Variants in GGTA1 observed in about 807,000 individuals in gnomAD.
GGTA1 encodes the protein inactive N-acetyllactosaminide alpha-1,3-galactosyltransferase.
Under a neutral mutation model 2.6 loss-of-function variants are expected in GGTA1, and 5 were observed. That is an observed-to-expected ratio of 1.92 (90% CI 1.00 to 4.04). The LOEUF is 4.04. Ranked by LOEUF, GGTA1 falls within the 30% of genes most tolerant of loss-of-function variation. GGTA1 has a pLI of 0.00. For synonymous variants in GGTA1, 17 were observed against 5.0 expected (o/e 3.38, Z -3.19); for missense variants, 50 against 16.7 (o/e 2.99, Z -3.47).
At chr9:121,463,758 TG>T (rs2064979898) in intron 2 of GGTA1, among the ~76,000 whole-genome samples, 1 of 152,202 alleles carries the variant, frequency 6.6e-6, no homozygotes. Flanking sequence ...ATTGCAGAGA[TG>T]GGTCCTCTCC....
At chr9:121,492,377 C>T (rs1208291067) in intron 1 of GGTA1, among the ~76,000 whole-genome samples, 10 of 152,166 alleles carry the variant, frequency 6.6e-5, no homozygotes, top group South Asian at 2.1e-4. Flanking sequence ...AGCACCAGCA[C>T]GGGGTAGGAC....
intron 5 of GGTA1, among the ~76,000 whole-genome samples, chr9:121,457,810 G>A (rs1332528440): frequency 6.6e-6 from 1 of 151,932 alleles, no homozygotes; most frequent in Non-Finnish European, 1.5e-5. Context: ...CCTCTCGGGA[G>A]ACGGTCACAA....
At chr9:121,473,438 C>A (rs1203917867) in intron 1 of GGTA1, among the ~76,000 whole-genome samples, 1 of 151,982 alleles carries the variant, frequency 6.6e-6, no homozygotes, top group African/African-American at 2.4e-5. Context: ...GGAATCCAAG[C>A]CTCCAGGGAG....
At chr9:121,469,277 A>C (rs982054673) in intron 1 of GGTA1, among the ~76,000 whole-genome samples, 1 of 152,170 alleles carries the variant, frequency 6.6e-6, no homozygotes, top group Non-Finnish European at 1.5e-5. Flanking sequence ...AAGGAATGAG[A>C]CTATTTTGGG....
chr9:121,496,519 A>G (rs1224295079), intron 1 of GGTA1, among the ~76,000 whole-genome samples: 11 of 151,910 alleles, frequency 7.2e-5, no homozygotes, highest in African/African-American at 2.7e-4. Flanking sequence ...TCACAAGGTC[A>G]GGAGTTTGAG....
At chr9:121,466,691 G>A (rs930932100) in intron 2 of GGTA1, among the ~76,000 whole-genome samples, 7 of 152,068 alleles carry the variant, frequency 4.6e-5, no homozygotes, top group African/African-American at 1.4e-4. Context: ...GGTGGCTCAC[G>A]CCTGTAATCC....
At chr9:121,481,861 TG>T (rs1202503764) in intron 1 of GGTA1, among the ~76,000 whole-genome samples, 2 of 151,414 alleles carry the variant, frequency 1.3e-5, no homozygotes, top group Non-Finnish European at 2.9e-5. Flanking sequence ...CTGGGCGTGG[TG>T]GTGCATGCCT....
chr9:121,493,609 T>C (rs552417096), intron 1 of GGTA1, among the ~76,000 whole-genome samples: 1 of 152,220 alleles, frequency 6.6e-6, no homozygotes, highest in Admixed American at 6.5e-5. Flanking sequence ...TCGGGGGTCT[T>C]ACTGTCAACC....
rs1006124101 is a variant in GGTA1, at chr9:121,499,658, C to T, written c.-18G>A. ...CTCCCCGCGGGACCCACCTGATCCG[C>T]AGAACCAGGGCGCCGAGGGCCGGCG... is the stretch of plus-strand genomic sequence containing the variant. On this transcript the variant is annotated 5_prime_UTR_variant, in exon 1 of 6. Coordinates refer to ENST00000481799, the MANE Select transcript of GGTA1 (RefSeq NM_001382585.1). 1 of 152,376 alleles carries T rather than the reference C, an allele frequency of 6.6e-6. No individual in the cohort carries two copies. The highest frequency in any genetic ancestry group is 2.4e-5 in the African/African-American group (1 of 41,456). 9.4% of individuals were successfully genotyped at this position (152,376 alleles called of 1,614,324 possible). A position where few individuals can be genotyped will look rare whatever the true frequency, so the allele number is the denominator to read the frequency against.
chr9:121,450,495 TACAA>T (rs1321453369), downstream of GGTA1, among the ~76,000 whole-genome samples: 2 of 152,198 alleles, frequency 1.3e-5, no homozygotes, highest in Non-Finnish European at 2.9e-5. Flanking sequence ...TGCTGCTGAG[TACAA>T]ACAGTCCTCC....
chr9:121,483,233 C>G (rs1317436386), intron 1 of GGTA1, among the ~76,000 whole-genome samples: 5 of 152,110 alleles, frequency 3.3e-5, no homozygotes, highest in Admixed American at 3.3e-4. Context: ...CTCTGAGAGT[C>G]TCAGTGACTC....
intron 1 of GGTA1, among the ~76,000 whole-genome samples, chr9:121,486,298 G>A (rs1293348805): frequency 6.6e-6 from 1 of 152,230 alleles, no homozygotes; most frequent in Non-Finnish European, 1.5e-5. Flanking sequence ...GGAGGACACT[G>A]TTGCTATCTG....
intron 5 of GGTA1, among the ~76,000 whole-genome samples, chr9:121,458,162 G>A (rs2064929251): frequency 3.3e-5 from 5 of 151,530 alleles, no homozygotes; most frequent in Middle Eastern, 6.8e-3. Context: ...CACCTGTCTC[G>A]GCCTCCCAAA....
chr9:121,468,915 G>A (rs1041824334), intron 1 of GGTA1, among the ~76,000 whole-genome samples: 1 of 152,090 alleles, frequency 6.6e-6, no homozygotes, highest in East Asian at 1.9e-4. Context: ...GTGACTGTGA[G>A]GAGCCACCCC....
At chr9:121,464,625 AAAAACAAAAC>A in intron 2 of GGTA1, among the ~76,000 whole-genome samples, 1 of 151,522 alleles carries the variant, frequency 6.6e-6, no homozygotes, top group East Asian at 2.0e-4. Flanking sequence ...AAACAAAAAC[AAAAACAAAAC>A]AAAACAAAAC....
At chr9:121,453,212 A>G (rs992296207), downstream of GGTA1, among the ~76,000 whole-genome samples, 3 of 152,342 alleles carry the variant, frequency 2.0e-5, no homozygotes, top group East Asian at 3.9e-4. Context: ...AAGGCATTTG[A>G]TGGAGGCCCA....
In GGTA1 at chr9:121,467,887, C is replaced by T; in HGVS notation, c.36G>A (p.Leu12=). Residue 12 remains leucine, a synonymous_variant, in exon 2 of 6, where the codon CTG becomes CTA. Coordinates refer to ENST00000481799, the MANE Select transcript of GGTA1 (RefSeq NM_001382585.1). ...NVKGKVILSM[L]VVSTVIIVFW... ...ACACAATGATCACAGTTGAGACAACCAGCATTGACAGAATTACTTTTCCTT... is the reference window on the plus strand; with the variant it reads ...ACACAATGATCACAGTTGAGACAACTAGCATTGACAGAATTACTTTTCCTT... 2.2e-6 allele frequency: 1 copy of T among 456,076 alleles called. No individual in the cohort carries two copies. The highest frequency in any genetic ancestry group is 4.4e-6 in the Non-Finnish European group (1 of 226,770). 28.3% of individuals were successfully genotyped at this position (456,076 alleles called of 1,614,324 possible).
intron 1 of GGTA1, among the ~76,000 whole-genome samples, chr9:121,493,949 G>T (rs1434409307): frequency 6.6e-6 from 1 of 151,802 alleles, no homozygotes; most frequent in Non-Finnish European, 1.5e-5. Context: ...TAGAGACGGG[G>T]TTTTGCCATG....
At chr9:121,478,998 C>A in intron 1 of GGTA1, 1 of 445,278 alleles carries the variant, frequency 2.2e-6, no homozygotes, top group Non-Finnish European at 4.4e-6. Context: ...TCAGGAAAAA[C>A]TCCAGGCTGC....
Sources: allele counts gnomAD v4.1 joint callset (sites outside exome capture counted in the v4.1 genomes callset), GRCh38; gene constraint gnomAD v4.1.1; transcripts MANE v1.5; gene names NCBI Gene and HGNC (gene_info 2026-07-23, HGNC 2026-07-21).